Variants in VPS53 observed in about 807,000 individuals in gnomAD.
The protein encoded by VPS53 is VPS53 subunit of GARP complex, also known as vacuolar protein sorting-associated protein 53 homolog.
Under a neutral mutation model 107.0 loss-of-function variants are expected in VPS53, and 70 were observed. That is an observed-to-expected ratio of 0.65 (90% CI 0.54 to 0.80). The LOEUF (loss-of-function observed/expected upper bound fraction) is 0.80, where lower values mean the gene tolerates loss of function less well. Among genes scored for constraint, VPS53 ranks in the 30% least tolerant of loss-of-function variants. The pLI, the probability that VPS53 is intolerant of heterozygous loss-of-function variation, is 0.00. For synonymous variants in VPS53, 409 were observed against 393.3 expected, an observed-to-expected ratio of 1.04 and a Z score of -0.47; for missense variants, 917 against 1,049.4, an observed-to-expected ratio of 0.87 and a Z score of 1.74.
chr17:691,900 A>G (rs546741993), intron 4 of VPS53, among the ~76,000 whole-genome samples: 1 of 152,348 alleles, frequency 6.6e-6, no homozygotes, highest in South Asian at 2.1e-4. Context: ...GTATGTATAC[A>G]TAGGAAAAAA....
chr17:530,782 C>T (rs1909479155), intron 19 of VPS53, among the ~76,000 whole-genome samples: 1 of 152,148 alleles, frequency 6.6e-6, no homozygotes, highest in Non-Finnish European at 1.5e-5. Context: ...GAAGCATGAT[C>T]AATATTGGTG....
At chr17:659,291 T>A (rs11652193) in intron 5 of VPS53, among the ~76,000 whole-genome samples, 30,198 of 152,034 alleles carry the variant, frequency 0.2, 3,235 homozygotes, top group Admixed American at 0.3. Flanking sequence ...TTATTTATTT[T>A]TTTATTTTTT....
chr17:572,434 G>A (rs1381310661), intron 13 of VPS53, among the ~76,000 whole-genome samples: 3 of 147,034 alleles, frequency 2.0e-5, no homozygotes, highest in Admixed American at 6.7e-5. Flanking sequence ...CCCCCGCCCG[G>A]CCAGCCGCCC....
rs1236211115 is a variant in VPS53, at chr17:697,482, C to T, written c.221G>A (p.Arg74Lys). The T allele has an allele frequency of 6.2e-7, 1 of 1,613,302 alleles. No individual in the cohort carries two copies. ...AACAGTTCGAATATTGTCATCCAGTCTCCTAGCAAAACAGTTCAAGGATAC... is the reference window on the plus strand; with the variant it reads ...AACAGTTCGAATATTGTCATCCAGTTTCCTAGCAAAACAGTTCAAGGATAC... ...VVNKIRLKIR[R>K]LDDNIRTVVR... is the part of the protein sequence containing the mutation. Residue 74 changes from arginine (R) to lysine (K), a missense_variant and splice_region_variant, in exon 4 of 22, where the codon AGA (arginine) becomes AAA (lysine). Transcript: ENST00000437048.
intron 13 of VPS53, among the ~76,000 whole-genome samples, chr17:567,394 A>G (rs560824471): frequency 2.0e-5 from 3 of 152,310 alleles, no homozygotes; most frequent in East Asian, 3.9e-4. Context: ...CACATGAGAC[A>G]TTAGAAAATC....
intron 13 of VPS53, among the ~76,000 whole-genome samples, chr17:567,824 G>C (rs1186572820): frequency 2.0e-5 from 3 of 151,616 alleles, no homozygotes; most frequent in African/African-American, 4.9e-5. Context: ...AGGAGTTTGA[G>C]GTTACAGTGA....
chr17:553,538 T>G, intron 15 of VPS53, 76 bp from the exon 16 acceptor site: 1 of 1,136,620 alleles, frequency 8.8e-7, no homozygotes, highest in South Asian at 1.3e-5. Context: ...TAGTTAACAT[T>G]TACTGCGTTT....
intron 4 of VPS53, among the ~76,000 whole-genome samples, chr17:679,087 A>G (rs1236319061): frequency 6.6e-6 from 1 of 152,256 alleles, no homozygotes; most frequent in Non-Finnish European, 1.5e-5. Context: ...AAAGGTACAG[A>G]GTAATGAACT....
chr17:542,863 A>G (rs1417223659), intron 17 of VPS53, among the ~76,000 whole-genome samples: 2 of 151,962 alleles, frequency 1.3e-5, no homozygotes, highest in East Asian at 1.9e-4. Context: ...CTGCAATCCC[A>G]GCTACTTGGG....
At chr17:595,957 C>T (rs1347832570) in intron 12 of VPS53, among the ~76,000 whole-genome samples, 1 of 147,796 alleles carries the variant, frequency 6.8e-6, no homozygotes, top group Non-Finnish European at 1.5e-5. Flanking sequence ...TGATGATGCA[C>T]TCTAGTGTCC....
intron 11 of VPS53, among the ~76,000 whole-genome samples, chr17:607,383 C>T (rs1968635516): frequency 6.6e-6 from 1 of 152,128 alleles, no homozygotes; most frequent in South Asian, 2.1e-4. Context: ...CACATACCAC[C>T]CTCCTCCCTG....
intron 18 of VPS53, 78 bp from the exon 19 acceptor site, chr17:532,989 T>G: frequency 2.0e-6 from 3 of 1,535,122 alleles, no homozygotes; most frequent in Non-Finnish European, 2.6e-6. Flanking sequence ...AGGTTCCACG[T>G]ATCTCCATGA....
intron 4 of VPS53, among the ~76,000 whole-genome samples, chr17:692,604 T>C (rs1445172493): frequency 6.6e-6 from 1 of 152,250 alleles, no homozygotes; most frequent in Non-Finnish European, 1.5e-5. Flanking sequence ...CCCCAAATAA[T>C]TTTTGAGTCA....
In VPS53 at chr17:582,692, C is replaced by T. The variant is rs1023608183; in HGVS notation, c.1313+3578G>A. Among the ~76,000 whole-genome samples the T allele has an allele frequency of 1.4e-5, 2 of 145,750 alleles. 1 individual carries two copies. Among genetic ancestry groups the T allele is most frequent in the Admixed American group, 1.4e-4 (2 of 13,808 alleles). The stretch of plus-strand genomic sequence containing the variant: ...AACCCAATGCGTTCCCAGAGAACCT[C>T]CCTCAGAACCTAATGCGTTCCGAGA... On this transcript the variant is annotated intron_variant, in intron 13 of 21. Transcript: ENST00000437048.
chr17:681,569 G>A (rs1972395992), intron 4 of VPS53, among the ~76,000 whole-genome samples: 1 of 152,178 alleles, frequency 6.6e-6, no homozygotes, highest in Non-Finnish European at 1.5e-5. Flanking sequence ...TGTTGTTCTG[G>A]TTGAAAATAT....
chr17:636,179 T>C (rs1008891639), intron 7 of VPS53, among the ~76,000 whole-genome samples: 5 of 152,240 alleles, frequency 3.3e-5, no homozygotes, highest in Admixed American at 2.6e-4. Context: ...TTTGTAGCAA[T>C]TGTGAATGGG....
rs551840097 is a variant in VPS53, at chr17:672,972, C to T, written c.286-11077G>A. On this transcript the variant is annotated intron_variant, in intron 4 of 21. Coordinates refer to ENST00000437048, the MANE Select transcript of VPS53 (RefSeq NM_001128159.3). ...CTAAAAATACAAAAAATTAACCGGGCGTGGTGGCGGGCGCCTGTAGTCCCA... is the reference window on the plus strand; with the variant it reads ...CTAAAAATACAAAAAATTAACCGGGTGTGGTGGCGGGCGCCTGTAGTCCCA... Among the ~76,000 whole-genome samples, 6 of 151,916 alleles carry T rather than the reference C, an allele frequency of 3.9e-5. No homozygotes were observed. In the East Asian group the frequency reaches 5.8e-4, roughly 15 times the overall value.
chr17:541,876 G>GCACTGAAGGAATGTTTATCAAGCACC (rs1910709862), intron 17 of VPS53, among the ~76,000 whole-genome samples: 1 of 85,988 alleles, frequency 1.2e-5, no homozygotes, highest in Non-Finnish European at 2.2e-5. Flanking sequence ...TATCAAGCAC[G>GCACTGAAGGAATGTTTATCAAGCACC]TACTACGCAC....
chr17:576,239 T>C (rs181911994), intron 13 of VPS53, among the ~76,000 whole-genome samples: 8 of 151,270 alleles, frequency 5.3e-5, no homozygotes, highest in Admixed American at 5.3e-4. Context: ...ACCTAATGTG[T>C]TCCCAGACAA....
Sources: allele counts gnomAD v4.1 joint callset (sites outside exome capture counted in the v4.1 genomes callset), GRCh38; gene constraint gnomAD v4.1.1; transcripts MANE v1.5; gene names NCBI Gene and HGNC (gene_info 2026-07-23, HGNC 2026-07-21).